MYZAP: variants seen among roughly 807,000 people sequenced by gnomAD.
MYZAP encodes the protein myocardial zonula adherens protein.
In MYZAP, 66 loss-of-function variants were observed where a neutral mutation model predicts 69.4. That is an observed-to-expected ratio of 0.95 (90% CI 0.78 to 1.17). The LOEUF (loss-of-function observed/expected upper bound fraction) is 1.17, where lower values mean the gene tolerates loss of function less well. Among genes scored for constraint, MYZAP ranks in the 50% most tolerant of loss-of-function variants. The pLI, the probability that MYZAP is intolerant of heterozygous loss-of-function variation, is 0.00. For synonymous variants in MYZAP, 256 were observed against 205.9 expected (o/e 1.24, Z -2.09); for missense variants, 611 against 556.2 (o/e 1.10, Z -0.99).
At chr15:57,684,370 A>G (rs2039590259) in intron 12 of MYZAP, 32 bp from the exon 13 acceptor site, 1 of 1,508,400 alleles carries the variant, frequency 6.6e-7, no homozygotes, top group Non-Finnish European at 9.2e-7. Flanking sequence ...GTTTTGTTTC[A>G]TTTTCCTGAC....
intron 2 of MYZAP, 119 bp from the exon 3 acceptor site, chr15:57,617,914 T>A: frequency 1.5e-6 from 2 of 1,355,526 alleles, no homozygotes; most frequent in Non-Finnish European, 1.9e-6. Flanking sequence ...CCATCTCCAC[T>A]GCCAGGCAAT....
intron 10 of MYZAP, among the ~76,000 whole-genome samples, chr15:57,642,641 T>G (rs1433444032): frequency 6.6e-6 from 1 of 152,164 alleles, no homozygotes; most frequent in Non-Finnish European, 1.5e-5. Flanking sequence ...TGAGGAAACT[T>G]AGTTTTTTTA....
Position 57,632,536 on chromosome 15 carries a change from A to G in MYZAP, c.781A>G (p.Ser261Gly), listed in dbSNP as rs1383887645. 39 of 1,614,086 alleles carry G rather than the reference A, an allele frequency of 2.4e-5. No individual in the cohort carries two copies. The Admixed American group carries it at 6.3e-4, about 26-fold the overall frequency. The part of the protein sequence containing the change: ...EKLQEEQRKH[S>G]AEKEALLEET... The stretch of plus-strand genomic sequence containing the variant: ...GCTGCAGGAAGAACAGAGGAAGCAC[A>G]GTGCTGAGAAGGAGGCTCTTTTGGT... Residue 261 changes from serine to glycine, a missense_variant, in exon 7 of 13, where the codon AGT becomes GGT. Physicochemically the swap from Ser to Gly is moderately conservative, Grantham distance 56. Transcript: ENST00000267853.
intron 10 of MYZAP, among the ~76,000 whole-genome samples, chr15:57,643,949 A>G (rs1254655006): frequency 4.6e-5 from 7 of 152,218 alleles, no homozygotes; most frequent in Non-Finnish European, 7.3e-5. Context: ...CCACTTTGCT[A>G]TAATTGAGAT....
chr15:57,593,977 G>A (rs1020858197), intron 1 of MYZAP, among the ~76,000 whole-genome samples: 4 of 152,266 alleles, frequency 2.6e-5, no homozygotes, highest in South Asian at 2.1e-4. Flanking sequence ...ATTGGGGTCC[G>A]CCCTACCTGT....
chr15:57,664,663 A>G (rs1356853427), intron 11 of MYZAP, among the ~76,000 whole-genome samples: 1 of 152,206 alleles, frequency 6.6e-6, no homozygotes, highest in Non-Finnish European at 1.5e-5. Flanking sequence ...ATAGATATCT[A>G]ATTAATACCT....
chr15:57,654,369 G>A (rs1283204396), intron 10 of MYZAP, among the ~76,000 whole-genome samples: 1 of 152,074 alleles, frequency 6.6e-6, no homozygotes, highest in East Asian at 1.9e-4. Context: ...GGGGCAGGAG[G>A]GGGAGTTGAT....
intron 10 of MYZAP, among the ~76,000 whole-genome samples, chr15:57,659,565 T>C (rs1367586979): frequency 6.6e-6 from 1 of 152,184 alleles, no homozygotes; most frequent in African/African-American, 2.4e-5. Context: ...TCAAAATAAC[T>C]TCAGTGTTAC....
intron 7 of MYZAP, among the ~76,000 whole-genome samples, 198 bp from the exon 8 acceptor site, chr15:57,633,415 C>T (rs532575770): frequency 2.0e-5 from 3 of 152,158 alleles, no homozygotes; most frequent in Non-Finnish European, 4.4e-5. Flanking sequence ...GGCCCATTAA[C>T]CAGCCACATG....
At chr15:57,679,827 C>T (rs1172807704) in intron 12 of MYZAP, among the ~76,000 whole-genome samples, 1 of 152,182 alleles carries the variant, frequency 6.6e-6, no homozygotes, top group African/African-American at 2.4e-5. Context: ...TCCTTGTTCC[C>T]CACAGCCTTC....
chr15:57,658,224 C>CT (rs1346190485), intron 10 of MYZAP, among the ~76,000 whole-genome samples: 1 of 152,122 alleles, frequency 6.6e-6, no homozygotes, highest in East Asian at 1.9e-4. Context: ...ACTCCTTCCT[C>CT]TTTTTTCCCC....
chr15:57,593,808 C>A (rs1475794638), intron 1 of MYZAP, among the ~76,000 whole-genome samples: 2 of 152,084 alleles, frequency 1.3e-5, no homozygotes, highest in African/African-American at 2.4e-5. Context: ...AGGGTTCTGC[C>A]CATCTTTATG....
intron 1 of MYZAP, among the ~76,000 whole-genome samples, chr15:57,597,718 A>G (rs2034153190): frequency 6.6e-6 from 1 of 152,210 alleles, no homozygotes; most frequent in Non-Finnish European, 1.5e-5. Flanking sequence ...CAAAACCTAA[A>G]TATTTACTGT....
chr15:57,646,411 C>A lies in MYZAP; in HGVS notation c.1119+6866C>A. 6 of 1,093,816 alleles carry A rather than the reference C, an allele frequency of 5.5e-6. No individual in the cohort carries two copies. In the South Asian group the frequency reaches 1.4e-4, roughly 26 times the overall value. 67.8% of individuals were successfully genotyped at this position (1,093,816 alleles called of 1,614,324 possible). A position where few individuals can be genotyped will look rare whatever the true frequency, so the allele number is the denominator to read the frequency against. ...CCCTGACTTGTACAGCCTCAAACTG[C>A]AGAGTCAAGAGAACTCACAGATCCA... On this transcript the variant is annotated intron_variant, in intron 10 of 12. Coordinates refer to ENST00000267853, the MANE Select transcript of MYZAP (RefSeq NM_001018100.5).
intron 6 of MYZAP, among the ~76,000 whole-genome samples, chr15:57,630,055 G>A (rs1188092108): frequency 1.4e-5 from 2 of 145,758 alleles, no homozygotes; most frequent in Non-Finnish European, 3.0e-5. Flanking sequence ...TGCAACCTCC[G>A]CCTCCTGGGT....
intron 3 of MYZAP, among the ~76,000 whole-genome samples, chr15:57,619,975 C>A (rs995514609): frequency 6.6e-6 from 1 of 152,138 alleles, no homozygotes; most frequent in African/African-American, 2.4e-5. Context: ...GTCCCTCCTG[C>A]CATAGGTGGC....
chr15:57,592,601 G>C (rs1000164108), intron 1 of MYZAP, among the ~76,000 whole-genome samples: 6 of 152,180 alleles, frequency 3.9e-5, no homozygotes, highest in African/African-American at 1.4e-4. Context: ...GCAGCCGGCC[G>C]CCCAGGAGCC....
intron 2 of MYZAP, among the ~76,000 whole-genome samples, chr15:57,614,990 G>C (rs1410568169): frequency 6.6e-6 from 1 of 152,036 alleles, no homozygotes; most frequent in African/African-American, 2.4e-5. Flanking sequence ...TTTCCTGTCA[G>C]GGACCATCAG....
chr15:57,614,309 A>C (rs1368462886), intron 2 of MYZAP, among the ~76,000 whole-genome samples: 1 of 152,252 alleles, frequency 6.6e-6, no homozygotes, highest in Non-Finnish European at 1.5e-5. Flanking sequence ...AAGACAAAGT[A>C]GGCCCTGGAC....
Sources: allele counts gnomAD v4.1 joint callset (sites outside exome capture counted in the v4.1 genomes callset), GRCh38; gene constraint gnomAD v4.1.1; transcripts MANE v1.5; gene names NCBI Gene and HGNC (gene_info 2026-07-23, HGNC 2026-07-21).